PPFIA4: variants seen among roughly 807,000 people sequenced by gnomAD.
PPFIA4 encodes the protein liprin-alpha-4.
A neutral mutation model predicts 145.7 loss-of-function variants in PPFIA4; 98 were observed. The observed-to-expected ratio is 0.67, with a 90% CI of 0.57 to 0.80. The LOEUF (loss-of-function observed/expected upper bound fraction) is 0.80. Ranked by LOEUF, PPFIA4 falls within the 30% of genes least tolerant of loss-of-function variation. The pLI, the probability that PPFIA4 is intolerant of heterozygous loss-of-function variation, is 0.00. For missense variants in PPFIA4, 1,457 were observed against 1,632.7 expected, an observed-to-expected ratio of 0.89 and a Z score of 1.85; for synonymous variants, 628 against 649.6, an observed-to-expected ratio of 0.97 and a Z score of 0.51.
intron 20 of PPFIA4, 94 bp from the exon 21 acceptor site, chr1:203,059,676 G>T: frequency 2.0e-6 from 2 of 1,018,558 alleles, no homozygotes; most frequent in Non-Finnish European, 3.0e-6. Context: ...AGGGTTGTGG[G>T]TCTCCAGCTC....
At chr1:203,032,727 A>G (rs973716202) in intron 1 of PPFIA4, among the ~76,000 whole-genome samples, 1 of 151,304 alleles carries the variant, frequency 6.6e-6, no homozygotes, top group East Asian at 1.9e-4. Context: ...GATTAGAGGC[A>G]TGAGCTACCA....
chr1:203,039,284 C>T (rs1380587668), intron 2 of PPFIA4, 42 bp downstream of exon 2: 2 of 1,435,008 alleles, frequency 1.4e-6, no homozygotes, highest in East Asian at 5.0e-5. Flanking sequence ...CCCTTTCCCT[C>T]CTCTAGCCCT....
chr1:203,048,682 C>T lies in PPFIA4; in HGVS notation c.1324C>T (p.Leu442=), dbSNP rs1214671217. The T allele has an allele frequency of 3.1e-6, 5 of 1,610,384 alleles. No homozygotes were observed. In the South Asian group the frequency reaches 3.3e-5, roughly 11 times the overall value. Residue 442 remains leucine, a synonymous_variant, in exon 11 of 30, where the codon CTG becomes TTG. Transcript: ENST00000295706. The surrounding 1 kb of genome is among the most constrained non-coding windows in gnomAD (Gnocchi z 5.8). ...SESNERLQLH[L]KERMAALEEK... ...GTCCAACGAGCGTCTGCAGCTCCACCTGAAGGAGCGCATGGCTGCCCTGGA... is the reference window on the plus strand; with the variant it reads ...GTCCAACGAGCGTCTGCAGCTCCACTTGAAGGAGCGCATGGCTGCCCTGGA...
At chr1:203,062,698 G>C (rs540711821) in intron 24 of PPFIA4, among the ~76,000 whole-genome samples, 3 of 152,072 alleles carry the variant, frequency 2.0e-5, no homozygotes, top group African/African-American at 7.2e-5. Flanking sequence ...GAGCCATAGG[G>C]TGTGAAATGA....
Position 203,077,969 on chromosome 1 carries a change from G to T in PPFIA4, c.*1579G>T, listed in dbSNP as rs935876688. 3 of 152,356 alleles carry T rather than the reference G, an allele frequency of 2.0e-5. No homozygotes were observed. The highest frequency in any genetic ancestry group is 4.4e-5 in the Non-Finnish European group (3 of 68,134). 9.4% of individuals were successfully genotyped at this position (152,356 alleles called of 1,614,324 possible). A position where few individuals can be genotyped will look rare whatever the true frequency, so the allele number is the denominator to read the frequency against. On this transcript the variant is annotated 3_prime_UTR_variant, in exon 30 of 30. Coordinates refer to ENST00000295706, the MANE Select transcript of PPFIA4 (RefSeq NM_001304331.2). Reference sequence around the variant, plus strand: ...CTGATCACCTTGAGTTCTGAGCAGGGACTAGGCTTGCAGGTGAGATAATGG... The same window carrying T: ...CTGATCACCTTGAGTTCTGAGCAGGTACTAGGCTTGCAGGTGAGATAATGG...
Position 203,046,315 on chromosome 1 carries a change from T to C in PPFIA4, c.1073T>C (p.Met358Thr). Residue 358 changes from methionine to threonine, a missense_variant, in exon 9 of 30, where the codon ATG becomes ACG. Transcript: ENST00000295706. ...GCAGAGCAGAAGCTGCAGCAGACGA[T>C]GCGCAAGGCAGAGACGCTGCCAGAG... Reference protein sequence around the residue: ...EVAEQKLQQTMRKAETLPEVE... With the variant: ...EVAEQKLQQTTRKAETLPEVE... The C allele has an allele frequency of 6.3e-7, 1 of 1,595,362 alleles. No homozygotes were observed. The highest frequency in any genetic ancestry group is 8.5e-7 in the Non-Finnish European group (1 of 1,171,806).
intron 24 of PPFIA4, 86 bp downstream of exon 24, chr1:203,061,764 C>CT (rs1278362619): frequency 1.8e-5 from 25 of 1,377,852 alleles, no homozygotes; most frequent in Non-Finnish European, 2.5e-5. Flanking sequence ...GCAGGAATCT[C>CT]TGAGTCCTTC....
chr1:203,054,740 A>C (rs1024879001), intron 15 of PPFIA4, among the ~76,000 whole-genome samples: 2 of 152,144 alleles, frequency 1.3e-5, no homozygotes, highest in Non-Finnish European at 2.9e-5. Flanking sequence ...GTACAAACGT[A>C]GGACCACCAG....
At chr1:203,045,726 G>A (rs1249478477) in intron 7 of PPFIA4, 115 bp from the exon 8 acceptor site, 1 of 1,517,722 alleles carries the variant, frequency 6.6e-7, no homozygotes, top group Non-Finnish European at 8.9e-7. Flanking sequence ...TGACAGGAGA[G>A]TGTAGCTCAT....
intron 1 of PPFIA4, among the ~76,000 whole-genome samples, chr1:203,031,368 A>G (rs1167586572): frequency 6.6e-6 from 1 of 152,210 alleles, no homozygotes; most frequent in East Asian, 1.9e-4. Context: ...CTACCACTGC[A>G]CTGGCTTCTC....
chr1:203,060,070 G>T lies in PPFIA4; in HGVS notation c.2584-147G>T, dbSNP rs908827103. The T allele has an allele frequency of 7.5e-6, 6 of 797,018 alleles. No individual in the cohort carries two copies. In the Admixed American group the frequency reaches 1.4e-4, roughly 18 times the overall value. The allele number at this position is 797,018 out of a possible 1,614,324, so 49.4% of individuals were successfully genotyped here. A position where few individuals can be genotyped will look rare whatever the true frequency, so the allele number is the denominator to read the frequency against. ...CTTTTAATCTGTAAAATGGGAGAGT[G>T]AGGGGTTTGATGACCGCCACATTCC... On this transcript the variant is annotated intron_variant, in intron 21 of 29. Transcript: ENST00000295706. The surrounding 1 kb of genome is among the most constrained non-coding windows in gnomAD (Gnocchi z 4.8).
At chr1:203,035,511 G>A (rs1056720375) in intron 1 of PPFIA4, 20 of 450,282 alleles carry the variant, frequency 4.4e-5, no homozygotes, top group South Asian at 1.2e-4. Flanking sequence ...CCCCACACAC[G>A]CACACTCACA....
rs985919467 is a variant in PPFIA4 at position 203,049,757 on chromosome 1, G to C, written c.1501G>C (p.Val501Leu). Residue 501 changes from valine (V) to leucine (L), a missense_variant, in exon 13 of 30, where the codon GTC (valine) becomes CTC (leucine). Physicochemically the swap from Val to Leu is conservative, Grantham distance 32. Transcript: ENST00000295706. Reference protein sequence around the residue: ...KGRGGPFVDGVHSRSHMGSAA... With the variant: ...KGRGGPFVDGLHSRSHMGSAA... ...CCGAGGGGGGCCGTTTGTGGATGGC[G>C]TCCACTCCAGGTACTGCAGCGCCAG... is the stretch of plus-strand genomic sequence containing the variant. 3.2e-6 allele frequency: 5 copies of C among 1,582,684 alleles called. No homozygotes were observed. Among genetic ancestry groups the C allele is most frequent in the Non-Finnish European group, 2.6e-6 (3 of 1,164,310 alleles).
At chr1:203,062,416 C>G (rs1209696017) in intron 24 of PPFIA4, among the ~76,000 whole-genome samples, 1 of 122,484 alleles carries the variant, frequency 8.2e-6, no homozygotes, top group Admixed American at 1.0e-4. Context: ...GGAGGCGGAG[C>G]TTGCAGTGAG....
rs1202513759 is a variant in PPFIA4 at position 203,039,073 on chromosome 1, C to A, written c.65C>A (p.Ala22Asp). 6.2e-7 allele frequency: 1 copy of A among 1,605,074 alleles called. No homozygotes were observed. The highest frequency in any genetic ancestry group is 1.3e-5 in the African/African-American group (1 of 74,908). ...CTGGGTCCCCCTCATGGCGCCGATG[C>A]TGACGCCAACTTCGAGCAGCTGATG... ...DRLGPPHGAD[A>D]DANFEQLMVN... Residue 22 changes from alanine (A) to aspartate (D), a missense_variant, in exon 2 of 30, where the codon GCT becomes GAT. Physicochemically the swap from Ala to Asp is moderately radical, Grantham distance 126. Around this residue, in one of 3 missense-constraint regions of PPFIA4, gnomAD observed 463 missense variants for 459.8 expected, o/e 1.01. Transcript: ENST00000295706.
intron 1 of PPFIA4, among the ~76,000 whole-genome samples, chr1:203,033,584 G>A (rs1659000918): frequency 6.6e-6 from 1 of 152,200 alleles, no homozygotes; most frequent in Non-Finnish European, 1.5e-5. Flanking sequence ...GGGAATGGAA[G>A]CTCAGAGAGA....
At chr1:203,061,801 T>C (rs1012616340) in intron 24 of PPFIA4, 123 bp downstream of exon 24, 1 of 1,010,924 alleles carries the variant, frequency 9.9e-7, no homozygotes, top group African/African-American at 1.7e-5. Context: ...ACATAGGTTC[T>C]CTGCTCCCAT....
intron 20 of PPFIA4, 52 bp downstream of exon 20, chr1:203,059,323 C>G: frequency 7.2e-7 from 1 of 1,388,562 alleles, no homozygotes; most frequent in Non-Finnish European, 1.0e-6. Flanking sequence ...CCCCTACCCA[C>G]TTCCCTTCCC....
chr1:203,049,062 G>T, intron 12 of PPFIA4, 82 bp downstream of exon 12: 1 of 1,320,256 alleles, frequency 7.6e-7, no homozygotes, highest in Non-Finnish European at 1.0e-6. Flanking sequence ...TAACGCTGCT[G>T]CTCTGATACC....
Sources: allele counts gnomAD v4.1 joint callset (sites outside exome capture counted in the v4.1 genomes callset), GRCh38; gene constraint gnomAD v4.1.1; regional missense constraint gnomAD v4.1.1; non-coding constraint Gnocchi (gnomAD v3.1); transcripts MANE v1.5; gene names NCBI Gene and HGNC (gene_info 2026-07-23, HGNC 2026-07-21).